Variants in ALOX12 observed in about 807,000 individuals in gnomAD.
ALOX12 encodes the protein polyunsaturated fatty acid lipoxygenase ALOX12.
ALOX12 carries 62 observed loss-of-function variants against 85.5 expected under a neutral mutation model. The observed-to-expected ratio is 0.73, with a 90% CI of 0.59 to 0.90. The LOEUF is 0.90. Among genes scored for constraint, ALOX12 ranks in the 40% least tolerant of loss-of-function variants. The pLI, the probability that ALOX12 is intolerant of heterozygous loss-of-function variation, is 0.00. For missense variants in ALOX12, 751 were observed against 856.5 expected (o/e 0.88, Z 1.54); for synonymous variants, 299 against 332.7 (o/e 0.90, Z 1.10).
intron 2 of ALOX12, among the ~76,000 whole-genome samples, chr17:6,997,573 T>G (rs1415165142): frequency 1.3e-5 from 2 of 149,116 alleles, no homozygotes; most frequent in African/African-American, 5.1e-5. Flanking sequence ...TTTTTTTTTT[T>G]TTGAGATGGA....
chr17:6,998,793 C>T lies in ALOX12; in HGVS notation c.498C>T (p.Phe166=). 2 of 1,614,128 alleles carry T rather than the reference C, an allele frequency of 1.2e-6. No individual in the cohort carries two copies. The highest frequency in any genetic ancestry group is 1.7e-6 in the Non-Finnish European group (2 of 1,180,032). Residue 166 remains phenylalanine (F), a synonymous_variant, in exon 4 of 14, where the codon TTC becomes TTT. Transcript: ENST00000251535. The part of the protein sequence containing the change: ...RKDDLPPNMR[F]HEEKRLDFEW... ...ATGATCTACCTCCAAATATGAGATT[C>T]CATGAGGAGAAGAGGCTGGACTTTG...
chr17:7,000,549 C>A lies in ALOX12; in HGVS notation c.951+70C>A. On this transcript the variant is annotated intron_variant, in intron 7 of 13. Transcript: ENST00000251535. This position sits in a 1 kb window ranked among gnomAD's most constrained non-coding sequence, Gnocchi z 4.6. The stretch of plus-strand genomic sequence containing the variant: ...TCAACCTCTGCTCCCAGGGACCCAA[C>A]CCCCAGCTCTTGGCTCCCAAACCCC... The A allele has an allele frequency of 2.6e-6, 4 of 1,559,700 alleles. No individual in the cohort carries two copies. Among genetic ancestry groups the A allele is most frequent in the South Asian group, 2.3e-5 (2 of 85,758 alleles).
Position 7,010,272 on chromosome 17 carries a change from A to G in ALOX12, c.1841A>G (p.Tyr614Cys), listed in dbSNP as rs1909320860. The G allele has an allele frequency of 6.2e-7, 1 of 1,613,874 alleles. No individual in the cohort carries two copies. Reference sequence around the variant, plus strand: ...CCTCTGGGGCACCACAAAGAAAAATATTTCTCAGGCCCCAAGCCCAAAGCT... The same window carrying G: ...CCTCTGGGGCACCACAAAGAAAAATGTTTCTCAGGCCCCAAGCCCAAAGCT... Reference protein sequence around the residue: ...MVPLGHHKEKYFSGPKPKAVL... With the variant: ...MVPLGHHKEKCFSGPKPKAVL... The change falls in exon 14 of 14, where the codon TAT becomes TGT. Residue 614 changes from tyrosine to cysteine, a missense_variant. By Grantham distance (194) the Tyr-to-Cys change is radical (BLOSUM62 -2). Transcript: ENST00000251535.
rs752933794 is a variant in ALOX12, at chr17:6,996,993, G to A, written c.303G>A (p.Gln101=). ...EVAFPCYRWV[Q]GEDILSLPEG... ...CCTTCCCGTGCTACCGCTGGGTGCA[G>A]GGCGAGGACATCCTGAGCCTGCCCG... Residue 101 remains glutamine, a synonymous_variant, in exon 2 of 14, where the codon CAG becomes CAA. Coordinates refer to ENST00000251535, the MANE Select transcript of ALOX12 (RefSeq NM_000697.3). The A allele has an allele frequency of 1.9e-6, 3 of 1,561,720 alleles. No homozygotes were observed. The South Asian group carries it at 3.5e-5, about 18-fold the overall frequency.
chr17:7,002,776 G>A (rs1908771596), intron 8 of ALOX12, among the ~76,000 whole-genome samples: 2 of 152,086 alleles, frequency 1.3e-5, no homozygotes, highest in Admixed American at 6.5e-5. Context: ...CTTGGCAGAG[G>A]GAGCACAAAA....
intron 4 of ALOX12, 45 bp downstream of exon 4, chr17:6,998,882 G>A (rs1432264908): frequency 1.9e-6 from 3 of 1,614,076 alleles, no homozygotes; most frequent in Non-Finnish European, 2.5e-6. Context: ...GGCTGGGAGG[G>A]CCAAGAATGA....
intron 12 of ALOX12, 33 bp downstream of exon 12, chr17:7,009,880 G>T: frequency 2.5e-6 from 4 of 1,613,692 alleles, no homozygotes; most frequent in Non-Finnish European, 3.4e-6. Flanking sequence ...GTCCCTGAAG[G>T]CAAGGTGACC....
At chr17:6,998,906 G>C (rs1180804159) in intron 4 of ALOX12, 47 bp from the exon 5 acceptor site, 1 of 1,613,916 alleles carries the variant, frequency 6.2e-7, no homozygotes, top group Non-Finnish European at 8.5e-7. Context: ...TAGACGGTGA[G>C]GGACTGAGGG....
intron 11 of ALOX12, among the ~76,000 whole-genome samples, chr17:7,007,042 G>A (rs1909121699): frequency 6.6e-6 from 1 of 152,126 alleles, no homozygotes; most frequent in African/African-American, 2.4e-5. Context: ...CTTCCTGCCT[G>A]CCACTGTGCA....
Position 7,006,060 on chromosome 17 carries a change from C to CTTG in ALOX12, c.1418+33_1418+34insTTG, listed in dbSNP as rs746409079. 9.3e-4 allele frequency: 85 copies of CTTG among 91,234 alleles called. 20 individuals are homozygous for CTTG. Among genetic ancestry groups the CTTG allele is most frequent in the Middle Eastern group, 3.1e-3 (1 of 318 alleles). The allele number at this position is 91,234 out of a possible 1,614,324, so 5.7% of individuals were successfully genotyped here. A position where few individuals can be genotyped will look rare whatever the true frequency, so the allele number is the denominator to read the frequency against. ...AGGAGGAGCTGAGAAATGGTGGGGC[C>CTTG]GGGGGGGGGGGGGGCTCTGGCCTGA... On this transcript the variant is annotated intron_variant, in intron 10 of 13. Transcript: ENST00000251535.
At chr17:7,008,235 C>A (rs929666232) in intron 11 of ALOX12, among the ~76,000 whole-genome samples, 3 of 152,210 alleles carry the variant, frequency 2.0e-5, no homozygotes, top group African/African-American at 7.2e-5. Context: ...TTAACTTTAA[C>A]CTCCACTAAC....
In ALOX12 at chr17:7,005,900, C is replaced by A. The variant is rs200546604; in HGVS notation, c.1291C>A (p.Arg431=). The part of the protein sequence containing the change: ...GGGGHVQLLR[R]AAAQLTYCSL... ...AGGGGGCCATGTACAGTTGCTCCGT[C>A]GGGCGGCAGCTCAGCTGACCTACTG... Residue 431 remains arginine, a synonymous_variant, in exon 10 of 14, where the codon CGG becomes AGG. Transcript: ENST00000251535. 1.2e-6 allele frequency: 2 copies of A among 1,613,522 alleles called. No homozygotes were observed. The highest frequency in any genetic ancestry group is 1.7e-5 in the Admixed American group (1 of 59,992).
At chr17:7,004,181 TTAAA>T (rs1395204876) in intron 8 of ALOX12, among the ~76,000 whole-genome samples, 1 of 145,646 alleles carries the variant, frequency 6.9e-6, no homozygotes, top group East Asian at 2.0e-4. Flanking sequence ...AAATTTAATT[TTAAA>T]TAAACATTTA....
intron 8 of ALOX12, chr17:7,002,353 G>C: frequency 2.7e-6 from 1 of 374,796 alleles, no homozygotes. Context: ...GGAATGAAAA[G>C]GAAAGAATCT....
In ALOX12 at chr17:6,996,213, G is replaced by A. The variant is rs1690238901; in HGVS notation, c.96G>A (p.Glu32=). 4.0e-6 allele frequency: 5 copies of A among 1,250,792 alleles called. No homozygotes were observed. The highest frequency in any genetic ancestry group is 7.8e-5 in the South Asian group (2 of 25,558). 77.5% of individuals were successfully genotyped at this position (1,250,792 alleles called of 1,614,324 possible). Residue 32 remains glutamate, a synonymous_variant, in exon 1 of 14, where the codon GAG becomes GAA. Coordinates refer to ENST00000251535, the MANE Select transcript of ALOX12 (RefSeq NM_000697.3). ...VQLWLVGTRG[E]AELELQLRPA... is the part of the protein sequence containing the mutation. Reference sequence around the variant, plus strand: ...TTTGGCTGGTCGGGACGCGCGGGGAGGCGGAGCTGGAGCTGCAGCTGCGGC... The same window carrying A: ...TTTGGCTGGTCGGGACGCGCGGGGAAGCGGAGCTGGAGCTGCAGCTGCGGC...
chr17:7,002,111 A>G (rs1908740889), intron 8 of ALOX12: 1 of 399,046 alleles, frequency 2.5e-6, no homozygotes, highest in African/African-American at 2.0e-5. Context: ...GTATTTAGCC[A>G]GAAAAACAAG....
chr17:7,009,169 C>T (rs1241341848), intron 11 of ALOX12, among the ~76,000 whole-genome samples: 1 of 151,750 alleles, frequency 6.6e-6, no homozygotes, highest in Non-Finnish European at 1.5e-5. Flanking sequence ...ACGCCATTCT[C>T]CTGCCTCAGC....
chr17:7,009,800 T>C lies in ALOX12; in HGVS notation c.1594T>C (p.Cys532Arg), dbSNP rs184982217. ...QSQLCHFLTM[C>R]VFTCTAQHAA... ...TCAACTCTGCCATTTCCTCACCATG[T>C]GCGTCTTCACGTGCACTGCCCAGCA... The change falls in exon 12 of 14, where the codon TGC becomes CGC. Residue 532 changes from cysteine to arginine, a missense_variant. By Grantham distance (180) the Cys-to-Arg change is radical (BLOSUM62 -3). Transcript: ENST00000251535. The C allele has an allele frequency of 1.2e-6, 2 of 1,614,250 alleles. No individual in the cohort carries two copies. The highest frequency in any genetic ancestry group is 1.7e-5 in the Admixed American group (1 of 60,032).
chr17:7,004,138 A>T (rs1421338857), intron 8 of ALOX12, among the ~76,000 whole-genome samples: 1 of 119,048 alleles, frequency 8.4e-6, no homozygotes, highest in Non-Finnish European at 1.7e-5. Flanking sequence ...TAAATAAATA[A>T]TTAAAATTTA....
Sources: allele counts gnomAD v4.1 joint callset (sites outside exome capture counted in the v4.1 genomes callset), GRCh38; gene constraint gnomAD v4.1.1; non-coding constraint Gnocchi (gnomAD v3.1); transcripts MANE v1.5; gene names NCBI Gene and HGNC (gene_info 2026-07-23, HGNC 2026-07-21).